PTPRM: variants seen among roughly 807,000 people sequenced by gnomAD.
The protein encoded by PTPRM is protein tyrosine phosphatase receptor type M, also known as receptor-type tyrosine-protein phosphatase mu.
Under a neutral mutation model 186.7 loss-of-function variants are expected in PTPRM, and 47 were observed. That is an observed-to-expected ratio of 0.25 (90% CI 0.20 to 0.32). PTPRM has a LOEUF of 0.32. PTPRM is among the 10% of genes least tolerant of loss of function. The probability of loss-of-function intolerance (pLI) is 1.00; values close to 1 mark genes in which losing one functional copy is unlikely to be tolerated. For synonymous variants in PTPRM, 668 were observed against 674.9 expected (o/e 0.99, Z 0.16); for missense variants, 1,494 against 1,865.0 (o/e 0.80, Z 3.66).
At chr18:7,590,282 A>T (rs1449046942) in intron 1 of PTPRM, among the ~76,000 whole-genome samples, 1 of 152,198 alleles carries the variant, frequency 6.6e-6, no homozygotes, top group Non-Finnish European at 1.5e-5. Flanking sequence ...AAGGATATTT[A>T]TAATAAGCTT....
chr18:8,261,410 T>C lies in PTPRM; in HGVS notation c.2754+7996T>C, dbSNP rs190338514. On this transcript the variant is annotated intron_variant, in intron 19 of 32. Coordinates refer to ENST00000580170, the MANE Select transcript of PTPRM (RefSeq NM_001105244.2). Reference sequence around the variant, plus strand: ...TCCATAAGAAAATGATAAACACTTCTAGAACTCTGAAATTTTGAGATGGCT... The same window carrying C: ...TCCATAAGAAAATGATAAACACTTCCAGAACTCTGAAATTTTGAGATGGCT... Among the ~76,000 whole-genome samples the C allele has an allele frequency of 4.1e-3, 621 of 152,314 alleles. 4 individuals carry two copies. The highest frequency in any genetic ancestry group is 7.1e-3 in the Admixed American group (109 of 15,300).
chr18:7,596,486 T>A (rs919634748), intron 1 of PTPRM, among the ~76,000 whole-genome samples: 1 of 152,224 alleles, frequency 6.6e-6, no homozygotes, highest in Non-Finnish European at 1.5e-5. Flanking sequence ...GTAAGGTATT[T>A]GGAGAGAGAC....
chr18:7,986,453 C>T (rs986700885), intron 7 of PTPRM, among the ~76,000 whole-genome samples: 2 of 152,116 alleles, frequency 1.3e-5, no homozygotes, highest in African/African-American at 4.8e-5. Context: ...GCAGTGTTTC[C>T]CATTGCCTTT....
chr18:8,075,443 T>C (rs1417294298), intron 8 of PTPRM, among the ~76,000 whole-genome samples: 1 of 152,116 alleles, frequency 6.6e-6, no homozygotes, highest in Non-Finnish European at 1.5e-5. Context: ...CCCCAAAATA[T>C]ATGCATATTT....
intron 23 of PTPRM, among the ~76,000 whole-genome samples, chr18:8,344,448 G>GTGTGTGTATATATATATATATATA (rs1360655194): frequency 2.0e-3 from 66 of 33,392 alleles, no homozygotes; most frequent in Middle Eastern, 0.042. Context: ...GTGTGTGTGT[G>GTGTGTGTATATATATATATATATA]TATATATATA....
In PTPRM at chr18:7,957,544, C is replaced by T. The variant is rs149196777; in HGVS notation, c.1132+2130C>T. Among the ~76,000 whole-genome samples the T allele has an allele frequency of 5.1e-4, 77 of 152,182 alleles. No individual in the cohort carries two copies. The East Asian group carries it at 0.014, about 28-fold the overall frequency. ...TTCGTGATGCATGGTCTGGTTGTGC[C>T]CTGTGCTGGCATGGAGTCACCCTTA... On this transcript the variant is annotated intron_variant, in intron 7 of 32. Transcript: ENST00000580170.
At chr18:8,047,144 G>C (rs76806833) in intron 7 of PTPRM, among the ~76,000 whole-genome samples, 4,991 of 152,098 alleles carry the variant, frequency 0.033, 270 homozygotes, top group African/African-American at 0.11. Flanking sequence ...AAAATTTTTA[G>C]TTAATTTTCA....
intron 1 of PTPRM, among the ~76,000 whole-genome samples, chr18:7,630,186 G>A (rs890268205): frequency 9.2e-5 from 14 of 152,152 alleles, no homozygotes; most frequent in Non-Finnish European, 1.5e-4. Flanking sequence ...CCAAAGGGGT[G>A]GATGAAATTG....
At chr18:8,058,931 G>A (rs1187658324) in intron 7 of PTPRM, among the ~76,000 whole-genome samples, 7 of 79,670 alleles carry the variant, frequency 8.8e-5, no homozygotes, top group Non-Finnish European at 1.9e-4. Flanking sequence ...TTGACTTGGC[G>A]ATGCGGGCTC....
intron 1 of PTPRM, among the ~76,000 whole-genome samples, chr18:7,636,269 A>G (rs917940807): frequency 6.6e-6 from 1 of 152,078 alleles, no homozygotes; most frequent in Non-Finnish European, 1.5e-5. Flanking sequence ...GGAAGTGACA[A>G]TGTTCCAGGT....
chr18:7,771,455 C>A (rs182803239), intron 1 of PTPRM, among the ~76,000 whole-genome samples: 1 of 152,140 alleles, frequency 6.6e-6, no homozygotes, highest in Non-Finnish European at 1.5e-5. Flanking sequence ...GTTAGTATTA[C>A]GCATTTGAAA....
At chr18:8,111,847 C>T (rs1421650353) in intron 11 of PTPRM, among the ~76,000 whole-genome samples, 1 of 152,148 alleles carries the variant, frequency 6.6e-6, no homozygotes, top group African/African-American at 2.4e-5. Context: ...AGAATTAGAG[C>T]TCAGACCAGT....
intron 11 of PTPRM, among the ~76,000 whole-genome samples, chr18:8,101,698 C>A (rs543957249): frequency 1.3e-4 from 20 of 152,310 alleles, no homozygotes; most frequent in African/African-American, 4.8e-4. Flanking sequence ...TCTACTCTAA[C>A]CCCAAAGCCA....
chr18:8,007,211 T>C (rs1212180392), intron 7 of PTPRM, among the ~76,000 whole-genome samples: 1 of 152,194 alleles, frequency 6.6e-6, no homozygotes, highest in Non-Finnish European at 1.5e-5. Context: ...TGAGCAAATA[T>C]TTGTTAGATA....
chr18:7,760,224 C>T (rs2041702761), intron 1 of PTPRM, among the ~76,000 whole-genome samples: 1 of 152,114 alleles, frequency 6.6e-6, no homozygotes, highest in Non-Finnish European at 1.5e-5. Context: ...GCCACTTTCC[C>T]CAACAGTCCA....
intron 2 of PTPRM, among the ~76,000 whole-genome samples, chr18:7,866,715 T>C (rs2146125117): frequency 6.6e-6 from 1 of 152,216 alleles, no homozygotes; most frequent in South Asian, 2.1e-4. Context: ...ACTTGGTCCC[T>C]GTCTGAGTTC....
chr18:8,329,162 T>A (rs558870217), intron 22 of PTPRM, among the ~76,000 whole-genome samples: 4 of 152,344 alleles, frequency 2.6e-5, no homozygotes, highest in Admixed American at 1.3e-4. Context: ...TCAAGAGTAT[T>A]TAGAGGGGTT....
At chr18:7,611,143 C>CA (rs1490261597) in intron 1 of PTPRM, among the ~76,000 whole-genome samples, 1 of 151,852 alleles carries the variant, frequency 6.6e-6, no homozygotes, top group Non-Finnish European at 1.5e-5. Context: ...GTAAGCTGTA[C>CA]AATGTGTTTG....
chr18:7,728,105 G>A (rs745953382), intron 1 of PTPRM, among the ~76,000 whole-genome samples: 1 of 152,202 alleles, frequency 6.6e-6, no homozygotes, highest in African/African-American at 2.4e-5. Context: ...ACTTATTTTT[G>A]TGCTGTAATA....
Sources: gnomAD v4.1 joint callset for allele counts (sites outside exome capture counted in the v4.1 genomes callset) on GRCh38, gnomAD v4.1.1 for gene constraint, MANE v1.5 for transcripts, NCBI Gene and HGNC (gene_info 2026-07-23, HGNC 2026-07-21) for gene names.